LHCGR: variants seen among roughly 807,000 people sequenced by gnomAD.
The protein encoded by LHCGR is luteinizing hormone/choriogonadotropin receptor.
LHCGR carries 55 observed loss-of-function variants against 60.7 expected under a neutral mutation model. The ratio of observed to expected loss-of-function variants is 0.91; its 90% CI spans 0.73 to 1.13. LHCGR has a LOEUF of 1.13. Ranked by LOEUF, LHCGR falls within the 50% of genes most tolerant of loss-of-function variation. LHCGR has a pLI of 0.00. For missense variants in LHCGR, 862 were observed against 836.0 expected (o/e 1.03, Z -0.38); for synonymous variants, 337 against 316.5 (o/e 1.06, Z -0.69).
intron 4 of LHCGR, among the ~76,000 whole-genome samples, chr2:48,725,000 G>C (rs193144874): frequency 6.6e-6 from 1 of 152,086 alleles, no homozygotes; most frequent in South Asian, 2.1e-4. Flanking sequence ...TTAGGGAGAC[G>C]CAAATTTTTC....
rs573293936 is a variant in LHCGR at position 48,752,341 on chromosome 2, G to A, written c.161+3170C>T. ...AGGTAAGGTTACTAGGACCCCAAAT[G>A]ACTAAAGCATAAATTAACATCTATT... On this transcript the variant is annotated intron_variant, in intron 1 of 10. Coordinates refer to ENST00000294954, the MANE Select transcript of LHCGR (RefSeq NM_000233.4). Among the ~76,000 whole-genome samples the A allele has an allele frequency of 2.0e-5, 3 of 152,228 alleles. No individual in the cohort carries two copies. In the East Asian group the frequency reaches 5.8e-4, roughly 29 times the overall value.
intron 9 of LHCGR, among the ~76,000 whole-genome samples, chr2:48,697,956 T>A (rs1667204808): frequency 6.6e-6 from 1 of 152,230 alleles, no homozygotes; most frequent in Non-Finnish European, 1.5e-5. Flanking sequence ...TACCAAAGTA[T>A]TTGTTACTGT....
intron 1 of LHCGR, among the ~76,000 whole-genome samples, chr2:48,739,965 C>T (rs939023776): frequency 3.3e-5 from 5 of 152,096 alleles, no homozygotes; most frequent in African/African-American, 9.7e-5. Context: ...AGACAGTGGG[C>T]GCAGGTCAGT....
rs564280269 is a variant in LHCGR at position 48,707,594 on chromosome 2, C to T, written c.680+1354G>A. Among the ~76,000 whole-genome samples the T allele has an allele frequency of 6.6e-5, 10 of 152,364 alleles. 1 individual carries two copies. The highest frequency in any genetic ancestry group is 1.7e-4 in the African/African-American group (7 of 41,594). On this transcript the variant is annotated intron_variant, in intron 8 of 10. Coordinates refer to ENST00000294954, the MANE Select transcript of LHCGR (RefSeq NM_000233.4). ...CCTTTGTTCAGATATGTCCTGCCCA[C>T]AGAGGTGGAATTTAGAGAGGCAGTC...
At chr2:48,752,540 T>C (rs1572901183) in intron 1 of LHCGR, among the ~76,000 whole-genome samples, 1 of 152,254 alleles carries the variant, frequency 6.6e-6, no homozygotes, top group East Asian at 1.9e-4. Context: ...TTTTTTTTTT[T>C]TTTTATGAAC....
In LHCGR at chr2:48,737,373, A is replaced by C. The variant is rs796801838; in HGVS notation, c.162-6075T>G. 3.9e-5 allele frequency among the ~76,000 whole-genome samples: 6 copies of C among 152,314 alleles called. 1 individual carries two copies. The highest frequency in any genetic ancestry group is 1.4e-4 in the African/African-American group (6 of 41,578). On this transcript the variant is annotated intron_variant, in intron 1 of 10. Coordinates refer to ENST00000294954, the MANE Select transcript of LHCGR (RefSeq NM_000233.4). ...CTTTTTTGCCTAATGAACTTGTTGA[A>C]ATGGGAAGAGGTTTATTTAATTATT...
intron 10 of LHCGR, among the ~76,000 whole-genome samples, chr2:48,690,776 A>G (rs1020143903): frequency 2.6e-5 from 4 of 152,236 alleles, no homozygotes; most frequent in South Asian, 2.1e-4. Context: ...TACAATTGCA[A>G]TTATCAAAAC....
Position 48,688,140 on chromosome 2 carries a change from CT to C in LHCGR, c.1656del (p.Val553PhefsTer6), listed in dbSNP as rs773965826. ...ICACYIKIYF[A>X]VRNPELMATN... is the part of the protein sequence containing the mutation. ...GTAGCCATTAATTCTGGGTTTCGAA[CT>C]GCAAAATAAATTTTAATGTAGCAAG... On this transcript the variant is annotated frameshift_variant, in exon 11 of 11. Transcript: ENST00000294954. LOFTEE classifies it high-confidence loss of function. This position sits in a 1 kb window ranked among gnomAD's most constrained non-coding sequence, Gnocchi z 5.2. 1.2e-5 allele frequency: 19 copies of C among 1,614,076 alleles called. No individual in the cohort carries two copies. The highest frequency in any genetic ancestry group is 1.6e-5 in the Non-Finnish European group (19 of 1,180,006).
chr2:48,731,379 G>T, intron 1 of LHCGR, 81 bp from the exon 2 acceptor site: 3 of 917,006 alleles, frequency 3.3e-6, no homozygotes, highest in Non-Finnish European at 5.3e-6. Flanking sequence ...ATGGGTATGT[G>T]TATGTGTGTG....
chr2:48,747,684 C>T (rs942945392), intron 1 of LHCGR, among the ~76,000 whole-genome samples: 2 of 152,088 alleles, frequency 1.3e-5, no homozygotes, highest in Non-Finnish European at 2.9e-5. Flanking sequence ...GGGGAAAGCT[C>T]CCTGAGCAGC....
At chr2:48,725,532 A>AT in intron 4 of LHCGR, 144 bp downstream of exon 4, 1 of 686,554 alleles carries the variant, frequency 1.5e-6, no homozygotes, top group South Asian at 1.7e-5. Flanking sequence ...TGACAATTAA[A>AT]TTTAAATCAG....
intron 1 of LHCGR, among the ~76,000 whole-genome samples, chr2:48,734,209 G>A (rs953101799): frequency 2.0e-5 from 3 of 152,176 alleles, no homozygotes; most frequent in African/African-American, 7.2e-5. Context: ...ACACAGAGTA[G>A]CATGGGTGGA....
At chr2:48,692,601 G>T (rs1000575827) in intron 10 of LHCGR, among the ~76,000 whole-genome samples, 1 of 152,156 alleles carries the variant, frequency 6.6e-6, no homozygotes, top group Non-Finnish European at 1.5e-5. Flanking sequence ...ACTCACATGG[G>T]CTTAGTAATA....
At chr2:48,704,943 G>A (rs1667589889) in intron 8 of LHCGR, among the ~76,000 whole-genome samples, 1 of 152,118 alleles carries the variant, frequency 6.6e-6, no homozygotes, top group Admixed American at 6.5e-5. Flanking sequence ...TTTTGAATGT[G>A]TTTGCTCTTG....
intron 6 of LHCGR, among the ~76,000 whole-genome samples, chr2:48,717,606 G>A (rs1558853500): frequency 6.6e-6 from 1 of 151,580 alleles, no homozygotes; most frequent in South Asian, 2.1e-4. Context: ...AGAGGTAAAC[G>A]ATCTCCCTTT....
chr2:48,748,505 C>G (rs1669808578), intron 1 of LHCGR, among the ~76,000 whole-genome samples: 1 of 152,154 alleles, frequency 6.6e-6, no homozygotes, highest in Non-Finnish European at 1.5e-5. Flanking sequence ...ATAATGAGCT[C>G]TGCTGTTTTG....
At position 48,713,848 on chromosome 2, in the gene LHCGR, C is replaced by A. The variant is rs566983889; in HGVS notation, c.605+138G>T. ...TTCTAGCCAGCCAGTTGCCTAGTAA[C>A]ATGCATGAAACACTGAGGGCTAGCC... On this transcript the variant is annotated intron_variant, in intron 7 of 10. Coordinates refer to ENST00000294954, the MANE Select transcript of LHCGR (RefSeq NM_000233.4). 7 of 739,580 alleles carry A rather than the reference C, an allele frequency of 9.5e-6. No homozygotes were observed. The African/African-American group carries it at 1.2e-4, about 13-fold the overall frequency. The allele number at this position is 739,580 out of a possible 1,614,324, so 45.8% of individuals were successfully genotyped here. A position where few individuals can be genotyped will look rare whatever the true frequency, so the allele number is the denominator to read the frequency against.
intron 10 of LHCGR, among the ~76,000 whole-genome samples, chr2:48,690,797 T>G (rs1680194908): frequency 6.6e-6 from 1 of 152,254 alleles, no homozygotes; most frequent in Non-Finnish European, 1.5e-5. Flanking sequence ...CTATTGCAAT[T>G]AAGTGATGAT....
At chr2:48,720,151 T>G (rs1311947420) in intron 6 of LHCGR, 1 of 152,170 alleles carries the variant, frequency 6.6e-6, no homozygotes, top group Non-Finnish European at 1.5e-5. Context: ...GCAACATAAG[T>G]TAATGTCCCT....
Sources: gnomAD v4.1 joint callset for allele counts (sites outside exome capture counted in the v4.1 genomes callset) on GRCh38, gnomAD v4.1.1 for gene constraint, Gnocchi (gnomAD v3.1) non-coding constraint, MANE v1.5 for transcripts, NCBI Gene and HGNC (gene_info 2026-07-23, HGNC 2026-07-21) for gene names.